Variants in DCC observed in about 807,000 individuals in gnomAD.
The protein encoded by DCC is netrin receptor DCC.
DCC carries 58 observed loss-of-function variants against 172.5 expected under a neutral mutation model. The observed-to-expected ratio is 0.34, with a 90% CI of 0.27 to 0.42. The LOEUF (loss-of-function observed/expected upper bound fraction) is 0.42. DCC is among the 10% of genes least tolerant of loss of function. DCC has a pLI of 1.00. For synonymous variants in DCC, 709 were observed against 644.5 expected (o/e 1.10, Z -1.52); for missense variants, 1,740 against 1,791.0 (o/e 0.97, Z 0.51).
intron 1 of DCC, among the ~76,000 whole-genome samples, chr18:52,410,767 G>A (rs932451322): frequency 6.6e-6 from 1 of 152,058 alleles, no homozygotes; most frequent in African/African-American, 2.4e-5. Flanking sequence ...ACCCATGCAT[G>A]AAACAAAACA....
At chr18:53,174,502 C>G (rs1299080405) in intron 8 of DCC, among the ~76,000 whole-genome samples, 3 of 148,120 alleles carry the variant, frequency 2.0e-5, no homozygotes, top group Non-Finnish European at 4.5e-5. Context: ...ATATCACCAC[C>G]GATCCCACAG....
chr18:52,568,728 T>C (rs2033223314), intron 1 of DCC, among the ~76,000 whole-genome samples: 1 of 152,130 alleles, frequency 6.6e-6, no homozygotes, highest in South Asian at 2.1e-4. Flanking sequence ...GATGTACCCA[T>C]AGACAAAAAG....
intron 2 of DCC, among the ~76,000 whole-genome samples, chr18:52,803,711 A>T (rs1470728692): frequency 6.6e-6 from 1 of 152,208 alleles, no homozygotes; most frequent in African/African-American, 2.4e-5. Flanking sequence ...GGAGCCTCAC[A>T]ATTCACACCT....
chr18:52,955,881 T>C (rs1257688352), intron 5 of DCC, among the ~76,000 whole-genome samples: 1 of 152,136 alleles, frequency 6.6e-6, no homozygotes, highest in Non-Finnish European at 1.5e-5. Flanking sequence ...GGTGACTGTT[T>C]ATGTCTGTTG....
chr18:52,817,434 TAATTATAA>T (rs1266679155), intron 2 of DCC, among the ~76,000 whole-genome samples: 1 of 152,182 alleles, frequency 6.6e-6, no homozygotes, highest in Admixed American at 6.5e-5. Context: ...AATGCTAAGT[TAATTATAA>T]AATTATAAAT....
At chr18:53,413,222 G>A (rs1568116280) in intron 20 of DCC, among the ~76,000 whole-genome samples, 2 of 152,186 alleles carry the variant, frequency 1.3e-5, no homozygotes, top group African/African-American at 4.8e-5. Flanking sequence ...GGTATTCAGA[G>A]TGAAAGCCCA....
chr18:52,952,438 G>T (rs1406010034), intron 5 of DCC, among the ~76,000 whole-genome samples: 18 of 152,124 alleles, frequency 1.2e-4, no homozygotes, highest in Admixed American at 6.5e-5. Flanking sequence ...GGAGGGAGAA[G>T]ACCCCAACTA....
chr18:52,389,869 G>T (rs1190491910), intron 1 of DCC, among the ~76,000 whole-genome samples: 1 of 152,032 alleles, frequency 6.6e-6, no homozygotes, highest in African/African-American at 2.4e-5. Flanking sequence ...ATTGTTGATT[G>T]ATTCAATGAA....
intron 26 of DCC, among the ~76,000 whole-genome samples, chr18:53,499,086 C>G (rs1390333637): frequency 6.6e-6 from 1 of 152,130 alleles, no homozygotes; most frequent in Non-Finnish European, 1.5e-5. Flanking sequence ...AAATTCCTGT[C>G]CTGCTGGATC....
intron 27 of DCC, among the ~76,000 whole-genome samples, chr18:53,509,342 A>T (rs1568177092): frequency 6.6e-6 from 1 of 152,368 alleles, no homozygotes; most frequent in East Asian, 1.9e-4. Flanking sequence ...ACATGATTTG[A>T]GATATAAATA....
chr18:53,082,461 C>T lies in DCC; in HGVS notation c.1261+16295C>T, dbSNP rs562541279. Among the ~76,000 whole-genome samples, 10 of 152,018 alleles carry T rather than the reference C, an allele frequency of 6.6e-5. No homozygotes were observed. The South Asian group carries it at 2.1e-3, about 32-fold the overall frequency. On this transcript the variant is annotated intron_variant, in intron 7 of 28. Transcript: ENST00000442544. ...AATTTTCACTGTCATATACAAAGAG[C>T]TTTTCCTGTTAAGAAAATAGATAGT...
chr18:53,288,175 G>T (rs2056958195), intron 12 of DCC, among the ~76,000 whole-genome samples: 2 of 152,026 alleles, frequency 1.3e-5, no homozygotes, highest in South Asian at 4.1e-4. Flanking sequence ...AGTAATTCAA[G>T]GTCTCTTTTT....
chr18:52,944,547 G>GA (rs1375832893), intron 5 of DCC, among the ~76,000 whole-genome samples: 1 of 152,204 alleles, frequency 6.6e-6, no homozygotes, highest in Non-Finnish European at 1.5e-5. Context: ...AGTGACAGGA[G>GA]AAGGAGTGGG....
chr18:52,451,207 A>G (rs1988293347), intron 1 of DCC, among the ~76,000 whole-genome samples: 1 of 152,078 alleles, frequency 6.6e-6, no homozygotes, highest in African/African-American at 2.4e-5. Context: ...GTATATAGAT[A>G]TTATATTTTG....
intron 1 of DCC, among the ~76,000 whole-genome samples, chr18:52,584,467 C>T: frequency 6.6e-6 from 1 of 152,110 alleles, no homozygotes. Flanking sequence ...TGAAGCAAAG[C>T]CAACTGGCTG....
chr18:52,600,225 T>C (rs2033989357), intron 1 of DCC, among the ~76,000 whole-genome samples: 2 of 152,196 alleles, frequency 1.3e-5, no homozygotes, highest in Non-Finnish European at 2.9e-5. Flanking sequence ...CACACCTACA[T>C]TGATAACTAG....
chr18:52,689,447 G>A (rs2035894716), intron 1 of DCC, among the ~76,000 whole-genome samples: 2 of 152,090 alleles, frequency 1.3e-5, no homozygotes, highest in Non-Finnish European at 2.9e-5. Context: ...AGTAATGAAT[G>A]AGGTTGGATA....
intron 2 of DCC, chr18:52,816,570 A>G (rs1389257958): frequency 6.6e-6 from 1 of 152,212 alleles, no homozygotes; most frequent in African/African-American, 2.4e-5. Context: ...CCTCTATAGA[A>G]TCTGGCATTT....
intron 1 of DCC, among the ~76,000 whole-genome samples, chr18:52,405,362 G>T: frequency 8.2e-6 from 1 of 121,732 alleles, no homozygotes; most frequent in African/African-American, 2.8e-5. Context: ...ATTCTAACTG[G>T]TGTGAGATGG....
Sources: gnomAD v4.1 joint callset for allele counts (sites outside exome capture counted in the v4.1 genomes callset) on GRCh38, gnomAD v4.1.1 for gene constraint, MANE v1.5 for transcripts, NCBI Gene and HGNC (gene_info 2026-07-23, HGNC 2026-07-21) for gene names.